MAGI1: variants seen among roughly 807,000 people sequenced by gnomAD.
MAGI1 encodes the protein membrane-associated guanylate kinase, WW and PDZ domain-containing protein 1.
A neutral mutation model predicts 139.9 loss-of-function variants in MAGI1; 58 were observed. The observed-to-expected ratio is 0.41, with a 90% CI of 0.34 to 0.52. MAGI1 has a LOEUF of 0.52. Ranked by LOEUF, MAGI1 falls within the 20% of genes least tolerant of loss-of-function variation. The probability of loss-of-function intolerance (pLI) is 0.12; values close to 1 mark genes in which losing one functional copy is unlikely to be tolerated. For synonymous variants in MAGI1, 812 were observed against 737.9 expected, an observed-to-expected ratio of 1.10 and a Z score of -1.63; for missense variants, 1,874 against 1,901.6, an observed-to-expected ratio of 0.99 and a Z score of 0.27.
chr3:65,734,597 G>A (rs2034552254), intron 1 of MAGI1, among the ~76,000 whole-genome samples: 1 of 151,552 alleles, frequency 6.6e-6, no homozygotes, highest in South Asian at 2.1e-4. Flanking sequence ...GGGAGAGAGA[G>A]AAACTGTCTT....
intron 1 of MAGI1, among the ~76,000 whole-genome samples, chr3:65,676,256 G>T (rs2087183039): frequency 1.3e-5 from 2 of 152,068 alleles, no homozygotes; most frequent in Non-Finnish European, 2.9e-5. Context: ...ACAATGATGA[G>T]GATAGATGCA....
At chr3:65,976,060 C>T (rs1183631853) in intron 1 of MAGI1, among the ~76,000 whole-genome samples, 8 of 152,100 alleles carry the variant, frequency 5.3e-5, no homozygotes, top group Admixed American at 3.3e-4. Flanking sequence ...TTGTCCTTTG[C>T]AAGTGTTTCA....
intron 2 of MAGI1, among the ~76,000 whole-genome samples, chr3:65,544,067 C>T (rs1054290449): frequency 1.3e-5 from 2 of 151,900 alleles, no homozygotes; most frequent in African/African-American, 4.8e-5. Flanking sequence ...GACATAGAAG[C>T]AGATATATAA....
At chr3:66,027,051 C>T (rs190788853) in intron 1 of MAGI1, among the ~76,000 whole-genome samples, 205 of 151,794 alleles carry the variant, frequency 1.4e-3, no homozygotes, top group African/African-American at 4.7e-3. Flanking sequence ...GGGCGGATCA[C>T]AAGGTCAGGA....
chr3:65,833,666 G>A (rs1445178760), intron 1 of MAGI1, among the ~76,000 whole-genome samples: 4 of 152,194 alleles, frequency 2.6e-5, no homozygotes, highest in Admixed American at 2.0e-4. Flanking sequence ...CAGGCTTTAT[G>A]AGATTTTTGT....
chr3:65,996,103 G>A (rs183181960), intron 1 of MAGI1, among the ~76,000 whole-genome samples: 202 of 152,210 alleles, frequency 1.3e-3, no homozygotes, highest in African/African-American at 4.7e-3. Context: ...TGGAATCTAC[G>A]ACCCACCATT....
chr3:65,831,637 A>G (rs1328095844), intron 1 of MAGI1, among the ~76,000 whole-genome samples: 1 of 152,006 alleles, frequency 6.6e-6, no homozygotes, highest in Non-Finnish European at 1.5e-5. Context: ...GACCTAAATG[A>G]CTCCTGGTCT....
At chr3:65,635,124 G>A (rs1325910909) in intron 1 of MAGI1, among the ~76,000 whole-genome samples, 2 of 152,080 alleles carry the variant, frequency 1.3e-5, no homozygotes, top group African/African-American at 2.4e-5. Flanking sequence ...GAGTACAATG[G>A]TGTGGTCGTG....
intron 3 of MAGI1, among the ~76,000 whole-genome samples, chr3:65,485,415 T>A (rs1314148309): frequency 6.6e-6 from 1 of 152,156 alleles, no homozygotes; most frequent in Non-Finnish European, 1.5e-5. Flanking sequence ...CGACCCTGAG[T>A]GAGGTAAGGG....
At chr3:65,802,631 C>G (rs2040584838) in intron 1 of MAGI1, among the ~76,000 whole-genome samples, 1 of 152,166 alleles carries the variant, frequency 6.6e-6, no homozygotes, top group Non-Finnish European at 1.5e-5. Context: ...AACACTCAGG[C>G]AAGTACCATC....
At chr3:65,892,815 C>A (rs1045642134) in intron 1 of MAGI1, among the ~76,000 whole-genome samples, 2 of 152,130 alleles carry the variant, frequency 1.3e-5, no homozygotes, top group Non-Finnish European at 2.9e-5. Flanking sequence ...TTCTCATGGG[C>A]TCTTCTTTAA....
chr3:65,470,956 TAA>T (rs1372749977), intron 4 of MAGI1, among the ~76,000 whole-genome samples: 1 of 152,208 alleles, frequency 6.6e-6, no homozygotes, highest in Non-Finnish European at 1.5e-5. Context: ...AACGATTTTA[TAA>T]GTTATTTTTA....
chr3:65,532,191 C>G (rs1239506400), intron 2 of MAGI1, among the ~76,000 whole-genome samples: 1 of 152,192 alleles, frequency 6.6e-6, no homozygotes, highest in Admixed American at 6.5e-5. Context: ...ACGTTCCAAT[C>G]ATTTCCTATT....
intron 3 of MAGI1, among the ~76,000 whole-genome samples, chr3:65,485,493 T>C (rs1450133519): frequency 6.6e-6 from 1 of 152,202 alleles, no homozygotes; most frequent in Non-Finnish European, 1.5e-5. Flanking sequence ...AATAGGTTTT[T>C]GTCAAGATTA....
intron 1 of MAGI1, among the ~76,000 whole-genome samples, chr3:66,027,017 C>G (rs1036632927): frequency 1.3e-5 from 2 of 151,394 alleles, no homozygotes; most frequent in African/African-American, 4.9e-5. Flanking sequence ...CACTTGTAAT[C>G]CCAGCACTTT....
intron 1 of MAGI1, among the ~76,000 whole-genome samples, chr3:65,910,350 C>A (rs2061605142): frequency 6.6e-6 from 1 of 152,198 alleles, no homozygotes; most frequent in Non-Finnish European, 1.5e-5. Flanking sequence ...ACAATGAAAA[C>A]ACATTTAAAA....
At chr3:65,870,094 C>T (rs2059887200) in intron 1 of MAGI1, among the ~76,000 whole-genome samples, 1 of 152,154 alleles carries the variant, frequency 6.6e-6, no homozygotes, top group Non-Finnish European at 1.5e-5. Flanking sequence ...GCGATTTGTT[C>T]TACACGGATG....
At chr3:65,811,118 G>A (rs77254458) in intron 1 of MAGI1, among the ~76,000 whole-genome samples, 3,326 of 152,264 alleles carry the variant, frequency 0.022, 120 homozygotes, top group African/African-American at 0.072. Flanking sequence ...ATCAAAGTAT[G>A]TATACAGAAA....
chr3:65,520,839 T>A (rs141454220), intron 2 of MAGI1, among the ~76,000 whole-genome samples: 1 of 152,212 alleles, frequency 6.6e-6, no homozygotes, highest in African/African-American at 2.4e-5. Flanking sequence ...TCGTGACTTA[T>A]AAACCATGGT....
Sources: gnomAD v4.1 joint callset for allele counts (sites outside exome capture counted in the v4.1 genomes callset) on GRCh38, gnomAD v4.1.1 for gene constraint, MANE v1.5 for transcripts, NCBI Gene and HGNC (gene_info 2026-07-23, HGNC 2026-07-21) for gene names.